The following DNAH14 variants were observed in gnomAD, a reference collection of about 807,000 sequenced individuals.
DNAH14 encodes dynein axonemal heavy chain 14.
Under a neutral mutation model 520.9 loss-of-function variants are expected in DNAH14, and 478 were observed. The observed-to-expected ratio is 0.92, with a 90% CI of 0.85 to 0.99. The LOEUF is 0.99. Ranked by LOEUF, DNAH14 falls within the 50% of genes least tolerant of loss-of-function variation. The pLI, the probability that DNAH14 is intolerant of heterozygous loss-of-function variation, is 0.00. For missense variants in DNAH14, 4,831 were observed against 5,234.5 expected, an observed-to-expected ratio of 0.92 and a Z score of 2.38; for synonymous variants, 1,581 against 1,757.2, an observed-to-expected ratio of 0.90 and a Z score of 2.51.
chr1:224,946,281 A>G (rs1259286092), intron 1 of DNAH14, among the ~76,000 whole-genome samples: 2 of 151,844 alleles, frequency 1.3e-5, no homozygotes, highest in South Asian at 2.1e-4. Context: ...TGGGTGTAGG[A>G]CCCTCCGAGC....
Position 225,050,334 on chromosome 1 carries a change from T to G in DNAH14, c.2037T>G (p.Asp679Glu). 2 of 1,547,640 alleles carry G rather than the reference T, an allele frequency of 1.3e-6. No homozygotes were observed. The highest frequency in any genetic ancestry group is 1.7e-6 in the Non-Finnish European group (2 of 1,145,752). ...ATAAAGAGCAGACCAGATGGCCAGA[T>G]TGTCACATCCTTTTTGAAACAGATC... The part of the protein sequence containing the change: ...IHYKEQTRWP[D>E]CHILFETDPA... Residue 679 changes from aspartate (D) to glutamate (E), a missense_variant, in exon 16 of 86, where the codon GAT becomes GAG. Physicochemically the swap from Asp to Glu is conservative, Grantham distance 45. Coordinates refer to ENST00000682510, the MANE Select transcript of DNAH14 (RefSeq NM_001367479.1).
chr1:225,301,966 G>C (rs2094147271), intron 56 of DNAH14, among the ~76,000 whole-genome samples: 1 of 151,152 alleles, frequency 6.6e-6, no homozygotes, highest in South Asian at 2.1e-4. Context: ...TACTATATTT[G>C]GTTTATTCAT....
Position 225,273,068 on chromosome 1 carries a change from C to T in DNAH14, c.7953C>T (p.Phe2651=), listed in dbSNP as rs1272721849. The change falls in exon 52 of 86, where the codon TTC becomes TTT. Residue 2651 remains phenylalanine, a synonymous_variant. Transcript: ENST00000682510. ...TATTTCACGATCGCTTAATTGATTTCACTGATAAAAGCCTTTTCTATCGGT... is the reference window on the plus strand; with the variant it reads ...TATTTCACGATCGCTTAATTGATTTTACTGATAAAAGCCTTTTCTATCGGT... The part of the protein sequence containing the change: ...TRVFHDRLID[F]TDKSLFYRLL... 1 of 1,551,642 alleles carries T rather than the reference C, an allele frequency of 6.4e-7. No individual in the cohort carries two copies. The highest frequency in any genetic ancestry group is 8.7e-7 in the Non-Finnish European group (1 of 1,146,976).
chr1:225,303,011 G>A, intron 56 of DNAH14, 145 bp from the exon 57 acceptor site: 1 of 610,232 alleles, frequency 1.6e-6, no homozygotes, highest in South Asian at 3.0e-5. Context: ...TCTGTTTATG[G>A]CAGGCACTCC....
At chr1:224,953,393 C>T (rs10915747) in intron 2 of DNAH14, among the ~76,000 whole-genome samples, 6,605 of 151,866 alleles carry the variant, frequency 0.043, 423 homozygotes, top group African/African-American at 0.14. Context: ...CAAATAAATA[C>T]GATTTTTTAA....
At chr1:224,960,119 CTAGT>C in intron 3 of DNAH14, 30 bp from the exon 4 acceptor site, 3 of 1,525,664 alleles carry the variant, frequency 2.0e-6, no homozygotes, top group African/African-American at 2.8e-5. Context: ...ACAGCTCACA[CTAGT>C]TATTCAGTTA....
intron 55 of DNAH14, among the ~76,000 whole-genome samples, chr1:225,299,412 C>T (rs2094091141): frequency 6.6e-6 from 1 of 151,954 alleles, no homozygotes; most frequent in South Asian, 2.1e-4. Context: ...TTATTTTTTT[C>T]ATGTCATATT....
chr1:225,299,264 G>A (rs1446988791), intron 55 of DNAH14, among the ~76,000 whole-genome samples: 2 of 152,164 alleles, frequency 1.3e-5, no homozygotes, highest in Non-Finnish European at 2.9e-5. Context: ...TGCCACCTCA[G>A]ATTGTATTTA....
chr1:224,960,422 T>G (rs1184135677), intron 4 of DNAH14, 120 bp downstream of exon 4: 4 of 1,122,420 alleles, frequency 3.6e-6, no homozygotes, highest in Non-Finnish European at 4.8e-6. Flanking sequence ...GAATTTTATG[T>G]GTTTGGTTGC....
At chr1:225,199,040 G>A (rs949950290) in intron 38 of DNAH14, among the ~76,000 whole-genome samples, 4 of 152,070 alleles carry the variant, frequency 2.6e-5, no homozygotes, top group Admixed American at 2.6e-4. Context: ...GGTCTATACA[G>A]GGTATCTAAT....
intron 42 of DNAH14, among the ~76,000 whole-genome samples, chr1:225,237,916 A>G (rs1353700046): frequency 6.6e-6 from 1 of 152,120 alleles, no homozygotes; most frequent in Non-Finnish European, 1.5e-5. Context: ...TGCTATTGAT[A>G]CTTGTGATTG....
chr1:225,187,338 G>C (rs188553075), intron 37 of DNAH14, among the ~76,000 whole-genome samples: 1 of 151,626 alleles, frequency 6.6e-6, no homozygotes, highest in Non-Finnish European at 1.5e-5. Flanking sequence ...CCATTCCCTG[G>C]AAGCCACTAA....
At chr1:225,143,114 G>GA (rs1256079123) in intron 28 of DNAH14, among the ~76,000 whole-genome samples, 1 of 151,922 alleles carries the variant, frequency 6.6e-6, no homozygotes, top group Admixed American at 6.6e-5. Context: ...GGGTCATCAT[G>GA]AAAAAATTAC....
At chr1:225,257,854 A>T in intron 44 of DNAH14, 106 bp from the exon 45 acceptor site, 1 of 981,344 alleles carries the variant, frequency 1.0e-6, no homozygotes, top group Non-Finnish European at 1.4e-6. Flanking sequence ...CTTTTCATAT[A>T]TACAATTAAT....
chr1:225,194,346 A>C (rs1477679689), intron 38 of DNAH14, among the ~76,000 whole-genome samples: 4 of 152,176 alleles, frequency 2.6e-5, no homozygotes, highest in Non-Finnish European at 5.9e-5. Flanking sequence ...AGAATAGCCC[A>C]GAAATAATAC....
chr1:225,061,349 T>C (rs1034208298), intron 17 of DNAH14, among the ~76,000 whole-genome samples: 2 of 152,248 alleles, frequency 1.3e-5, no homozygotes, highest in Non-Finnish European at 1.5e-5. Context: ...TGCCATTTGC[T>C]AAGTCCATTG....
rs1221224305 is a variant in DNAH14 at position 225,232,993 on chromosome 1, C to G, written c.6518+1842C>G. On this transcript the variant is annotated intron_variant, in intron 42 of 85. Transcript: ENST00000682510. This position sits in a 1 kb window ranked among gnomAD's most constrained non-coding sequence, Gnocchi z 4.2. ...CCAACAGTCCCCAGTGTGTGTTGTT[C>G]CCCTGCCCATGTGTCCATGTGTTCT... is the stretch of plus-strand genomic sequence containing the variant. 6.6e-6 allele frequency among the ~76,000 whole-genome samples: 1 copy of G among 152,118 alleles called. No homozygotes were observed.
chr1:225,030,468 C>T (rs1340244318), intron 11 of DNAH14, among the ~76,000 whole-genome samples: 2 of 151,908 alleles, frequency 1.3e-5, no homozygotes, highest in African/African-American at 4.8e-5. Context: ...AATGCAACAG[C>T]ATGATGAATT....
At chr1:224,996,484 C>T (rs554316873) in intron 8 of DNAH14, among the ~76,000 whole-genome samples, 4 of 152,254 alleles carry the variant, frequency 2.6e-5, no homozygotes, top group African/African-American at 7.2e-5. Flanking sequence ...GGCAGAGATA[C>T]ACCTTTCACT....
Sources: allele counts gnomAD v4.1 joint callset (sites outside exome capture counted in the v4.1 genomes callset), GRCh38; gene constraint gnomAD v4.1.1; non-coding constraint Gnocchi (gnomAD v3.1); transcripts MANE v1.5; gene names NCBI Gene and HGNC (gene_info 2026-07-23, HGNC 2026-07-21).